Variants in ITPR1 observed in about 807,000 individuals in gnomAD.
ITPR1 encodes the protein inositol 1,4,5-trisphosphate receptor type 1.
In ITPR1, 96 loss-of-function variants were observed where a neutral mutation model predicts 318.4. The observed-to-expected ratio is 0.30, with a 90% CI of 0.26 to 0.36. The LOEUF (loss-of-function observed/expected upper bound fraction) is 0.36. Among genes scored for constraint, ITPR1 ranks in the 10% least tolerant of loss-of-function variants. The pLI is 1.00. For missense variants in ITPR1, 2,440 were observed against 3,460.2 expected (o/e 0.71, Z 7.40); for synonymous variants, 1,312 against 1,289.9 (o/e 1.02, Z -0.37).
rs150274309 is a variant in ITPR1 at position 4,769,013 on chromosome 3, G to A, written c.5979+249G>A. Among the ~76,000 whole-genome samples, 92 of 151,750 alleles carry A rather than the reference G, an allele frequency of 6.1e-4. 4 individuals carry two copies. The East Asian group carries it at 0.013, about 22-fold the overall frequency. On this transcript the variant is annotated intron_variant, in intron 46 of 61. Transcript: ENST00000649015. ...CAACCTCCAGCTCTTGGGTTCAAGC[G>A]ATTCTCCTTCCTCAGCTTCCCAAGT... is the stretch of plus-strand genomic sequence containing the variant.
At chr3:4,528,730 A>C (rs1031744743) in intron 4 of ITPR1, among the ~76,000 whole-genome samples, 8 of 152,246 alleles carry the variant, frequency 5.3e-5, no homozygotes, top group African/African-American at 1.7e-4. Context: ...GTGCTTGTCA[A>C]GTATATGCCT....
At chr3:4,825,930 G>A (rs988593961) in intron 60 of ITPR1, 1 of 371,658 alleles carries the variant, frequency 2.7e-6, no homozygotes, top group Admixed American at 3.6e-5. Context: ...AGCAGTGACC[G>A]GAGCCACGAA....
At chr3:4,711,448 C>T (rs541077907) in intron 38 of ITPR1, 71 of 241,848 alleles carry the variant, frequency 2.9e-4, no homozygotes, top group Non-Finnish European at 2.8e-4. Context: ...TAAATAGCCA[C>T]GCTTTATAAA....
intron 52 of ITPR1, among the ~76,000 whole-genome samples, chr3:4,794,013 A>G (rs2047735983): frequency 1.3e-5 from 2 of 152,216 alleles, no homozygotes; most frequent in South Asian, 2.1e-4. Flanking sequence ...GCAAAGTTAC[A>G]TGATGACTTC....
chr3:4,720,752 G>C (rs957692020), intron 40 of ITPR1, among the ~76,000 whole-genome samples: 5 of 152,018 alleles, frequency 3.3e-5, no homozygotes, highest in African/African-American at 1.2e-4. Context: ...TCTCCTACTT[G>C]AGCTGCTTCT....
intron 60 of ITPR1, among the ~76,000 whole-genome samples, chr3:4,824,061 T>G (rs987000666): frequency 6.6e-6 from 1 of 152,180 alleles, no homozygotes; most frequent in Non-Finnish European, 1.5e-5. Flanking sequence ...CCCGATACCT[T>G]GGTCTACTCT....
At chr3:4,601,887 A>G (rs750295323) in intron 4 of ITPR1, among the ~76,000 whole-genome samples, 24 of 152,214 alleles carry the variant, frequency 1.6e-4, no homozygotes, top group Non-Finnish European at 4.4e-5. Context: ...AAATAGGAAA[A>G]AGATTTGAAT....
chr3:4,652,401 C>T (rs2093616583), intron 11 of ITPR1, among the ~76,000 whole-genome samples, 183 bp downstream of exon 11: 1 of 152,180 alleles, frequency 6.6e-6, no homozygotes, highest in Non-Finnish European at 1.5e-5. Flanking sequence ...ATGATTACCA[C>T]ATTTTGGTAG....
At chr3:4,658,482 G>C (rs1036762727) in intron 13 of ITPR1, among the ~76,000 whole-genome samples, 2 of 151,766 alleles carry the variant, frequency 1.3e-5, no homozygotes, top group Non-Finnish European at 2.9e-5. Flanking sequence ...TGAATGAGAA[G>C]TGCTATATTT....
chr3:4,525,452 T>TTG (rs886906018), intron 4 of ITPR1, among the ~76,000 whole-genome samples: 9 of 152,184 alleles, frequency 5.9e-5, no homozygotes, highest in South Asian at 2.1e-4. Flanking sequence ...ATTGCTTTTT[T>TTG]TGTGTGTGTG....
At chr3:4,566,325 C>T (rs1418905687) in intron 4 of ITPR1, among the ~76,000 whole-genome samples, 1 of 152,130 alleles carries the variant, frequency 6.6e-6, no homozygotes, top group East Asian at 1.9e-4. Context: ...CCTTAATGAA[C>T]TCTGACTTTA....
chr3:4,585,165 T>C (rs2125058073), intron 4 of ITPR1, among the ~76,000 whole-genome samples: 1 of 152,314 alleles, frequency 6.6e-6, no homozygotes, highest in Non-Finnish European at 1.5e-5. Flanking sequence ...TTTTAGAAAA[T>C]AGCTAGCAAA....
intron 37 of ITPR1, among the ~76,000 whole-genome samples, chr3:4,707,874 A>G (rs951940571): frequency 5.3e-5 from 8 of 152,222 alleles, no homozygotes; most frequent in African/African-American, 1.9e-4. Flanking sequence ...TAAATCATTC[A>G]TCAGCTCCAT....
chr3:4,700,187 T>C (rs1332019609), intron 35 of ITPR1, among the ~76,000 whole-genome samples: 1 of 152,228 alleles, frequency 6.6e-6, no homozygotes, highest in Non-Finnish European at 1.5e-5. Context: ...TCTGCTTTTT[T>C]TGTCCTCCAG....
In ITPR1 at chr3:4,702,892, G is replaced by T; in HGVS notation, c.4599G>T (p.Trp1533Cys). Residue 1533 changes from tryptophan to cysteine, a missense_variant, in exon 36 of 62, where the codon TGG becomes TGT. By Grantham distance (215) the Trp-to-Cys change is radical. Around this residue, in one of 23 missense-constraint regions of ITPR1, gnomAD observed 166 missense variants for 246.5 expected, o/e 0.67. Coordinates refer to ENST00000649015, the MANE Select transcript of ITPR1 (RefSeq NM_001378452.1). ...QGVFRVYHCN[W>C]LMPSQKASVE... The stretch of plus-strand genomic sequence containing the variant: ...TGTTCAGGGTTTACCACTGCAACTG[G>T]TTAATGCCAAGCCAAAAAGCCTCCG... The T allele has an allele frequency of 6.2e-7, 1 of 1,613,954 alleles. No individual in the cohort carries two copies. Among genetic ancestry groups the T allele is most frequent in the Non-Finnish European group, 8.5e-7 (1 of 1,179,854 alleles).
intron 4 of ITPR1, among the ~76,000 whole-genome samples, chr3:4,588,012 A>T (rs1422447715): frequency 6.6e-6 from 1 of 152,052 alleles, no homozygotes; most frequent in Non-Finnish European, 1.5e-5. Context: ...GACTGTATTG[A>T]TTTTCCCCCC....
At position 4,653,680 on chromosome 3, in the gene ITPR1, A is replaced by G. The variant is rs1056607350; in HGVS notation, c.952-162A>G. Among the ~76,000 whole-genome samples the G allele has an allele frequency of 6.6e-5, 10 of 152,074 alleles. 1 individual carries two copies. The highest frequency in any genetic ancestry group is 1.5e-5 in the Non-Finnish European group (1 of 68,008). On this transcript the variant is annotated intron_variant, in intron 11 of 61. Coordinates refer to ENST00000649015, the MANE Select transcript of ITPR1 (RefSeq NM_001378452.1). ...GTTCCATGTGTGCTGTACCCATGTG[A>G]CCTGTATCATTGTCGTGGCATGCTG... is the stretch of plus-strand genomic sequence containing the variant.
chr3:4,603,685 C>G (rs181134120), intron 4 of ITPR1, among the ~76,000 whole-genome samples: 2 of 152,274 alleles, frequency 1.3e-5, no homozygotes, highest in African/African-American at 4.8e-5. Flanking sequence ...GCCTTGGCCT[C>G]CAAAAGTGCT....
intron 7 of ITPR1, among the ~76,000 whole-genome samples, chr3:4,643,178 G>A (rs532331745): frequency 2.0e-4 from 31 of 152,184 alleles, no homozygotes; most frequent in African/African-American, 7.2e-4. Flanking sequence ...GAAAAGCCCA[G>A]TAAAACTTAG....
Sources: gnomAD v4.1 joint callset for allele counts (sites outside exome capture counted in the v4.1 genomes callset) on GRCh38, gnomAD v4.1.1 for gene constraint, gnomAD v4.1.1 regional missense constraint, MANE v1.5 for transcripts, NCBI Gene and HGNC (gene_info 2026-07-23, HGNC 2026-07-21) for gene names.